Variants in PGS1 observed in about 807,000 individuals in gnomAD.
PGS1 encodes the protein phosphatidylglycerophosphate synthase 1.
A neutral mutation model predicts 58.3 loss-of-function variants in PGS1; 44 were observed. That is an observed-to-expected ratio of 0.75 (90% confidence interval 0.59 to 0.97). The LOEUF (loss-of-function observed/expected upper bound fraction) is 0.97, where lower values mean the gene tolerates loss of function less well. PGS1 is among the 50% of genes least tolerant of loss of function. The pLI is 0.00. For missense variants in PGS1, 684 were observed against 731.1 expected, an observed-to-expected ratio of 0.94 and a Z score of 0.74; for synonymous variants, 330 against 311.0, an observed-to-expected ratio of 1.06 and a Z score of -0.64.
intron 8 of PGS1, among the ~76,000 whole-genome samples, chr17:78,417,985 A>AGT (rs1370722806): frequency 6.9e-6 from 1 of 145,448 alleles, no homozygotes; most frequent in Non-Finnish European, 1.5e-5. Flanking sequence ...GCTGGAGTGC[A>AGT]GTGGCACGAT....
At chr17:78,386,729 G>A (rs995974605) in intron 1 of PGS1, among the ~76,000 whole-genome samples, 7 of 152,188 alleles carry the variant, frequency 4.6e-5, no homozygotes, top group Non-Finnish European at 1.0e-4. Context: ...TCAGCCCCTG[G>A]AGGCTGGGAT....
At position 78,424,119 on chromosome 17, in the gene PGS1, A is replaced by G. The variant is rs1310879155; in HGVS notation, c.*69A>G. On this transcript the variant is annotated 3_prime_UTR_variant, in exon 10 of 10. Coordinates refer to ENST00000262764, the MANE Select transcript of PGS1 (RefSeq NM_024419.5). ...GGGTCAGCTCTTTCAGCCGCGCTTC[A>G]GCGATGACTCCAGTCTGGGTGTCCC... 2 of 1,613,394 alleles carry G rather than the reference A, an allele frequency of 1.2e-6. No homozygotes were observed. The highest frequency in any genetic ancestry group is 4.5e-5 in the East Asian group (2 of 44,892).
intron 7 of PGS1, among the ~76,000 whole-genome samples, chr17:78,412,726 G>C (rs74787501): frequency 6.6e-6 from 1 of 152,178 alleles, no homozygotes; most frequent in Non-Finnish European, 1.5e-5. Flanking sequence ...CCATGTGGGC[G>C]TGTGGCCTTC....
chr17:78,406,330 A>G (rs1262347537), intron 7 of PGS1, among the ~76,000 whole-genome samples: 1 of 152,102 alleles, frequency 6.6e-6, no homozygotes, highest in African/African-American at 2.4e-5. Context: ...AAAAAGAAAA[A>G]AAAAACTGAA....
intron 2 of PGS1, among the ~76,000 whole-genome samples, chr17:78,395,897 G>T (rs1194088474): frequency 6.6e-6 from 1 of 152,210 alleles, no homozygotes; most frequent in Non-Finnish European, 1.5e-5. Context: ...CGCCACCATG[G>T]CGTGGCTAAT....
At position 78,403,775 on chromosome 17, in the gene PGS1, A is replaced by G. The variant is rs770253640; in HGVS notation, c.1088A>G (p.Gln363Arg). Residue 363 changes from glutamine to arginine, a missense_variant, in exon 7 of 10, where the codon CAA (glutamine) becomes CGA (arginine). Physicochemically the swap from Gln to Arg is conservative, Grantham distance 43. Coordinates refer to ENST00000262764, the MANE Select transcript of PGS1 (RefSeq NM_024419.5). ...ATTCAGATGAAGCCCTTCGAGATTC[A>G]AATCGATGAGATTGTCACTGAGACC... Reference protein sequence around the residue: ...PLIQMKPFEIQIDEIVTETLL... With the variant: ...PLIQMKPFEIRIDEIVTETLL... 2 of 1,614,232 alleles carry G rather than the reference A, an allele frequency of 1.2e-6. No individual in the cohort carries two copies. Among genetic ancestry groups the G allele is most frequent in the East Asian group, 4.5e-5 (2 of 44,890 alleles).
rs1188042753 is a variant in PGS1 at position 78,404,045 on chromosome 17, A to G, written c.1358A>G (p.Gln453Arg). 2 of 1,606,856 alleles carry G rather than the reference A, an allele frequency of 1.2e-6. No individual in the cohort carries two copies. Among genetic ancestry groups the G allele is most frequent in the Non-Finnish European group, 1.7e-6 (2 of 1,175,550 alleles). Reference protein sequence around the residue: ...VCSLGQQERVQLQEYWRRGWT... With the variant: ...VCSLGQQERVRLQEYWRRGWT... ...AGCCTGGGACAGCAGGAGCGGGTCC[A>G]GCTTCAGGAGTACTGGCGGAGGGGC... is the stretch of plus-strand genomic sequence containing the variant. Residue 453 changes from glutamine to arginine, a missense_variant, in exon 7 of 10, where the codon CAG becomes CGG. By Grantham distance (43) the Gln-to-Arg change is conservative. Coordinates refer to ENST00000262764, the MANE Select transcript of PGS1 (RefSeq NM_024419.5).
chr17:78,386,352 C>A lies in PGS1; in HGVS notation c.144-6124C>A, dbSNP rs368053984. ...TGCTAGGGGATATCACTGGCTCTTG[C>A]CCTGGTCCTGCTCTCTAAACTTCTC... On this transcript the variant is annotated intron_variant, in intron 1 of 9. Coordinates refer to ENST00000262764, the MANE Select transcript of PGS1 (RefSeq NM_024419.5). Among the ~76,000 whole-genome samples the A allele has an allele frequency of 1.4e-3, 217 of 152,216 alleles. 2 individuals are homozygous for A. Among genetic ancestry groups the A allele is most frequent in the African/African-American group, 4.8e-3 (201 of 41,518 alleles).
chr17:78,422,995 T>G (rs6501210), intron 9 of PGS1, among the ~76,000 whole-genome samples: 99,648 of 151,566 alleles, frequency 0.66, 34,857 homozygotes, highest in East Asian at 0.94. Flanking sequence ...ACTTGGGAGG[T>G]TGAGGCAGGA....
intron 1 of PGS1, among the ~76,000 whole-genome samples, chr17:78,388,398 CCTGTTT>C (rs2082561357): frequency 6.6e-6 from 1 of 152,134 alleles, no homozygotes. Flanking sequence ...TGGTCTTGTT[CCTGTTT>C]CTTTCTTTCT....
At position 78,378,827 on chromosome 17, in the gene PGS1, A is replaced by C. The variant is rs368434561; in HGVS notation, c.143+19A>C. On this transcript the variant is annotated intron_variant, in intron 1 of 9. Transcript: ENST00000262764. Reference sequence around the variant, plus strand: ...GCAGGAGGTGAGAGGGGCGGCCGGGATGAGAGTGCAGCCCTCGCGGCTGCA... The same window carrying C: ...GCAGGAGGTGAGAGGGGCGGCCGGGCTGAGAGTGCAGCCCTCGCGGCTGCA... The C allele has an allele frequency of 2.6e-4, 374 of 1,422,162 alleles. 2 individuals are homozygous for C. In the African/African-American group the frequency reaches 4.9e-3, roughly 18 times the overall value. The allele number at this position is 1,422,162 out of a possible 1,614,324, so 88.1% of individuals were successfully genotyped here.
chr17:78,420,059 A>G, intron 9 of PGS1: 3 of 1,072,098 alleles, frequency 2.8e-6, no homozygotes, highest in Non-Finnish European at 3.4e-6. Context: ...GGTGCAGGAG[A>G]TGTAGACGTG....
intron 1 of PGS1, among the ~76,000 whole-genome samples, chr17:78,386,721 A>G (rs1274844285): frequency 6.6e-6 from 1 of 152,180 alleles, no homozygotes; most frequent in Non-Finnish European, 1.5e-5. Flanking sequence ...GCAGGTGGTC[A>G]GCCCCTGGAG....
At chr17:78,423,967 T>TTCAAGTTAAAGGTCCAGACA in intron 9 of PGS1, 94 bp from the exon 10 acceptor site, 2 of 1,614,060 alleles carry the variant, frequency 1.2e-6, no homozygotes, top group Non-Finnish European at 1.7e-6. Context: ...CTCTTTGGTC[T>TTCAAGTTAAAGGTCCAGACA]TCAAGTTAAA....
intron 1 of PGS1, among the ~76,000 whole-genome samples, chr17:78,389,470 C>T (rs769302597): frequency 2.0e-5 from 3 of 152,022 alleles, no homozygotes; most frequent in Non-Finnish European, 4.4e-5. Flanking sequence ...CAAGCATGAG[C>T]CACCATGCCC....
chr17:78,385,972 A>G (rs2082356059), intron 1 of PGS1, among the ~76,000 whole-genome samples: 1 of 152,102 alleles, frequency 6.6e-6, no homozygotes, highest in African/African-American at 2.4e-5. Context: ...GGTCTTCCTC[A>G]AGATGATGGG....
intron 3 of PGS1, among the ~76,000 whole-genome samples, chr17:78,396,898 C>T (rs552947396): frequency 5.3e-5 from 8 of 152,170 alleles, no homozygotes; most frequent in African/African-American, 1.9e-4. Flanking sequence ...AGTGGCAGAA[C>T]GGGGTAGTTG....
chr17:78,417,395 C>CGCGGGGCT (rs1232092334), intron 8 of PGS1, among the ~76,000 whole-genome samples: 5 of 152,080 alleles, frequency 3.3e-5, no homozygotes, highest in African/African-American at 4.8e-5. Flanking sequence ...GTCTGTGACA[C>CGCGGGGCT]GCGGGGCTGC....
intron 1 of PGS1, among the ~76,000 whole-genome samples, chr17:78,385,357 T>G (rs1471802297): frequency 1.3e-5 from 2 of 151,526 alleles, no homozygotes. Flanking sequence ...GGCATGATCT[T>G]GCCTCACTAC....
Sources: allele counts gnomAD v4.1 joint callset (sites outside exome capture counted in the v4.1 genomes callset), GRCh38; gene constraint gnomAD v4.1.1; transcripts MANE v1.5; gene names NCBI Gene and HGNC (gene_info 2026-07-23, HGNC 2026-07-21).